Variants in MESP1 observed in about 807,000 individuals in gnomAD.
MESP1 encodes the protein mesoderm posterior protein 1.
Under a neutral mutation model 15.2 loss-of-function variants are expected in MESP1, and 22 were observed. That is an observed-to-expected ratio of 1.45 (90% CI 1.04 to 2.07). The LOEUF (loss-of-function observed/expected upper bound fraction) is 2.07, where lower values mean the gene tolerates loss of function less well. Among genes scored for constraint, MESP1 ranks in the 30% most tolerant of loss-of-function variants. MESP1 has a pLI of 0.00. For missense variants in MESP1, 484 were observed against 411.9 expected (o/e 1.17, Z -1.51); for synonymous variants, 216 against 192.6 (o/e 1.12, Z -1.01).
chr15:89,745,275 G>A (rs565393126), downstream of MESP1, among the ~76,000 whole-genome samples: 10 of 152,290 alleles, frequency 6.6e-5, no homozygotes, highest in African/African-American at 1.7e-4. This position sits in a 1 kb window ranked among gnomAD's most constrained non-coding sequence, Gnocchi z 4.8. Context: ...GGCGTCTTAT[G>A]TGCCAGGTCC....
chr15:89,750,409 G>T (rs764223454), intron 1 of MESP1, 100 bp downstream of exon 1: 381 of 1,454,780 alleles, frequency 2.6e-4, no homozygotes, highest in Non-Finnish European at 3.4e-4. Flanking sequence ...TGGCCAGGCT[G>T]CCGGCGGGGA....
the MESP1 span, among the ~76,000 whole-genome samples, chr15:89,735,241 G>A: frequency 6.6e-6 from 1 of 152,146 alleles, no homozygotes; most frequent in Admixed American, 6.5e-5. Context: ...AGCCATACAT[G>A]TTGATGCATG....
the MESP1 span, among the ~76,000 whole-genome samples, chr15:89,739,319 C>G: frequency 1.3e-5 from 2 of 152,180 alleles, no homozygotes; most frequent in African/African-American, 4.8e-5. Flanking sequence ...AAGGAGACAG[C>G]ATGACCTATA....
At chr15:89,744,172 A>C in the MESP1 span, among the ~76,000 whole-genome samples, 1 of 152,192 alleles carries the variant, frequency 6.6e-6, no homozygotes. Context: ...TGGGTGAGAA[A>C]CTACCTGGGA....
At chr15:89,750,428 G>A (rs1446783321) in intron 1 of MESP1, 81 bp downstream of exon 1, 1 of 1,461,978 alleles carries the variant, frequency 6.8e-7, no homozygotes, top group Admixed American at 2.4e-5. Flanking sequence ...GAGCAGCAGG[G>A]TGCCTGGTCC....
chr15:89,737,244 G>C, the MESP1 span, among the ~76,000 whole-genome samples: 3 of 152,216 alleles, frequency 2.0e-5, no homozygotes, highest in Admixed American at 2.0e-4. Flanking sequence ...GGCATTGGGA[G>C]CACAGGTGAG....
chr15:89,733,992 AAT>A, the MESP1 span, among the ~76,000 whole-genome samples: 1 of 149,560 alleles, frequency 6.7e-6, no homozygotes, highest in Non-Finnish European at 1.5e-5. Context: ...GAACCTGTAT[AAT>A]GTGTGTGTGT....
the MESP1 span, among the ~76,000 whole-genome samples, chr15:89,740,861 C>T: frequency 0.011 from 1,596 of 151,104 alleles, 22 homozygotes; most frequent in Non-Finnish European, 0.013. Flanking sequence ...TTAAATTGGC[C>T]GGGCGCGGTG....
chr15:89,732,903 A>G, the MESP1 span: 41 of 1,105,258 alleles, frequency 3.7e-5, no homozygotes, highest in Non-Finnish European at 5.6e-5. Flanking sequence ...TTTTGCCTTC[A>G]CATCCTACAA....
At chr15:89,737,653 G>A in the MESP1 span, 126 of 1,614,022 alleles carry the variant, frequency 7.8e-5, no homozygotes, top group African/African-American at 1.1e-4. Flanking sequence ...TTGCCCCTCC[G>A]GGAGCCTTTC....
chr15:89,737,819 C>T, the MESP1 span: 3 of 1,549,868 alleles, frequency 1.9e-6, no homozygotes, highest in East Asian at 2.3e-5. Flanking sequence ...ATCTCCTCCC[C>T]ACTCTGTGTC....
At chr15:89,749,703 G>C (rs4932141), downstream of MESP1, 89,854 of 159,286 alleles carry the variant, frequency 0.56, 26,781 homozygotes, top group East Asian at 0.73. Flanking sequence ...ATTCCAGGCT[G>C]ACCCATCTGG....
At position 89,751,158 on chromosome 15, in the gene MESP1, G is replaced by A; in HGVS notation, c.74C>T (p.Pro25Leu). The A allele has an allele frequency of 1.6e-6, 2 of 1,266,486 alleles. No individual in the cohort carries two copies. Among genetic ancestry groups the A allele is most frequent in the Non-Finnish European group, 2.0e-6 (2 of 1,009,048 alleles). The allele number at this position is 1,266,486 out of a possible 1,614,324, so 78.5% of individuals were successfully genotyped here. The change falls in exon 1 of 2, where the codon CCG (proline) becomes CTG (leucine). Residue 25 changes from proline to leucine, a missense_variant. Transcript: ENST00000300057. ...LSAAWGPTRR[P>L]PPSDKDCGRS... The stretch of plus-strand genomic sequence containing the variant: ...GCCGCAGTCCTTGTCGGAGGGCGGC[G>A]GCCGCCGAGTTGGGCCCCAGGCCGC...
At chr15:89,736,915 C>T in the MESP1 span, among the ~76,000 whole-genome samples, 4 of 151,962 alleles carry the variant, frequency 2.6e-5, no homozygotes, top group Non-Finnish European at 5.9e-5. Context: ...CCTCAGCCTC[C>T]CGAGTAGCTG....
downstream of MESP1, among the ~76,000 whole-genome samples, chr15:89,746,275 CA>C (rs1967948120): frequency 6.9e-6 from 1 of 144,756 alleles, no homozygotes; most frequent in African/African-American, 2.7e-5. Flanking sequence ...CACGTCCATG[CA>C]GCATCCACAC....
chr15:89,737,798 G>C, the MESP1 span: 24 of 1,591,392 alleles, frequency 1.5e-5, no homozygotes, highest in South Asian at 2.6e-4. Context: ...CAAACAGAGA[G>C]AGCCCCTCCG....
At chr15:89,735,449 T>C in the MESP1 span, 2 of 1,603,796 alleles carry the variant, frequency 1.2e-6, no homozygotes, top group Non-Finnish European at 1.7e-6. Context: ...ACTTTTAAAC[T>C]CTTAAAGTAG....
rs984542149 is a variant in MESP1, at chr15:89,751,165, G to T, written c.67C>A (p.Arg23=). The part of the protein sequence containing the change: ...WMLSAAWGPT[R]RPPPSDKDCG... Reference sequence around the variant, plus strand: ...TCCTTGTCGGAGGGCGGCGGCCGCCGAGTTGGGCCCCAGGCCGCAGAGAGC... The same window carrying T: ...TCCTTGTCGGAGGGCGGCGGCCGCCTAGTTGGGCCCCAGGCCGCAGAGAGC... The change falls in exon 1 of 2, where the codon CGG becomes AGG. Residue 23 remains arginine (R), a synonymous_variant. Coordinates refer to ENST00000300057, the MANE Select transcript of MESP1 (RefSeq NM_018670.4). The T allele has an allele frequency of 3.1e-6, 4 of 1,271,244 alleles. No homozygotes were observed. Among genetic ancestry groups the T allele is most frequent in the East Asian group, 3.0e-5 (1 of 33,674 alleles). 78.7% of individuals were successfully genotyped at this position (1,271,244 alleles called of 1,614,324 possible).
rs775536741 is a variant in MESP1, at chr15:89,751,198, A to C, written c.34T>G (p.Ser12Ala). 7.9e-7 allele frequency: 1 copy of C among 1,262,192 alleles called. No individual in the cohort carries two copies. The highest frequency in any genetic ancestry group is 3.8e-5 in the Admixed American group (1 of 26,500). 78.2% of individuals were successfully genotyped at this position (1,262,192 alleles called of 1,614,324 possible). ...CCCCAGGCCGCAGAGAGCATCCAGG[A>C]CTCGGAGAGCGGCGGGCACAGGGGC... ...AQPLCPPLSE[S>A]WMLSAAWGPT... The change falls in exon 1 of 2, where the codon TCC becomes GCC. Residue 12 changes from serine to alanine, a missense_variant. Transcript: ENST00000300057.
Sources: gnomAD v4.1 joint callset for allele counts (sites outside exome capture counted in the v4.1 genomes callset) on GRCh38, gnomAD v4.1.1 for gene constraint, Gnocchi (gnomAD v3.1) non-coding constraint, MANE v1.5 for transcripts, NCBI Gene and HGNC (gene_info 2026-07-23, HGNC 2026-07-21) for gene names.